The following ECE2 variants were observed in gnomAD, a reference collection of about 807,000 sequenced individuals.
The protein encoded by ECE2 is endothelin converting enzyme 2.
A neutral mutation model predicts 100.6 loss-of-function variants in ECE2; 81 were observed. That is an observed-to-expected ratio of 0.81 (90% CI 0.67 to 0.97). The LOEUF is 0.97. Among genes scored for constraint, ECE2 ranks in the 50% least tolerant of loss-of-function variants. ECE2 has a pLI of 0.00. For synonymous variants in ECE2, 391 were observed against 391.5 expected (o/e 1.00, Z 0.02); for missense variants, 911 against 988.1 (o/e 0.92, Z 1.05).
rs755706353 is a variant in ECE2, at chr3:184,292,131, C to G, written c.2191C>G (p.Arg731Gly). 6.2e-7 allele frequency: 1 copy of G among 1,614,034 alleles called. No individual in the cohort carries two copies. The highest frequency in any genetic ancestry group is 8.5e-7 in the Non-Finnish European group (1 of 1,180,024). ...GGTGACCGACCCCCACAGCCCTGCC[C>G]GCTTCCGCGTGCTGGGCACTCTCTC... Reference protein sequence around the residue: ...GLVTDPHSPARFRVLGTLSNS... With the variant: ...GLVTDPHSPAGFRVLGTLSNS... Residue 731 changes from arginine to glycine, a missense_variant, in exon 19 of 19, where the codon CGC becomes GGC. Transcript: ENST00000404464.
chr3:184,276,712 C>A (rs763614116), intron 2 of ECE2, 145 bp downstream of exon 2: 2 of 1,535,652 alleles, frequency 1.3e-6, no homozygotes, highest in Non-Finnish European at 8.8e-7. Flanking sequence ...TATGGTGAGG[C>A]GATGCTAAGC....
chr3:184,287,930 C>T lies in ECE2; in HGVS notation c.1357C>T (p.Arg453Trp), dbSNP rs545716291. 39 of 1,614,006 alleles carry T rather than the reference C, an allele frequency of 2.4e-5. No individual in the cohort carries two copies. Among genetic ancestry groups the T allele is most frequent in the African/African-American group, 9.3e-5 (7 of 75,020 alleles). ...CCTCTTCGTGAAGGCCACGTTTGAC[C>T]GGCAAAGCAAAGAAATTGTGAGTCT... The part of the protein sequence containing the change: ...GSLFVKATFD[R>W]QSKEIAEGMI... Residue 453 changes from arginine to tryptophan, a missense_variant, in exon 11 of 19, where the codon CGG (arginine) becomes TGG (tryptophan). Arg to Trp is a moderately radical substitution (Grantham distance 101). Transcript: ENST00000404464.
At chr3:184,279,724 T>A (rs1466561314) in intron 7 of ECE2, among the ~76,000 whole-genome samples, 1 of 150,738 alleles carries the variant, frequency 6.6e-6, no homozygotes, top group Non-Finnish European at 1.5e-5. Context: ...AGGGGTCCAC[T>A]GTGGTAAAAT....
Position 184,291,197 on chromosome 3 carries a change from T to G in ECE2, c.1992T>G (p.Ile664Met). The G allele has an allele frequency of 1.2e-6, 2 of 1,613,372 alleles. No individual in the cohort carries two copies. The highest frequency in any genetic ancestry group is 1.7e-6 in the Non-Finnish European group (2 of 1,179,742). ...GCCGCCAGACGCTGGGGGAGAACAT[T>G]GCTGACAACGGGGGGCTGAAGGCTG... ...LNGRQTLGEN[I>M]ADNGGLKAAY... Residue 664 changes from isoleucine (I) to methionine (M), a missense_variant, in exon 17 of 19, where the codon ATT (isoleucine) becomes ATG (methionine). Transcript: ENST00000404464. The surrounding 1 kb of genome is among the most constrained non-coding windows in gnomAD (Gnocchi z 4.1).
chr3:184,282,877 G>T (rs1475930972), intron 7 of ECE2, among the ~76,000 whole-genome samples: 2 of 152,234 alleles, frequency 1.3e-5, no homozygotes, highest in African/African-American at 4.8e-5. Context: ...ATGTATGTCT[G>T]CAGAAGTGGT....
At chr3:184,285,390 C>T in intron 9 of ECE2, 88 bp from the exon 10 acceptor site, 1 of 1,115,202 alleles carries the variant, frequency 9.0e-7, no homozygotes. Context: ...CTCGGGACTC[C>T]TGCAACTTGC....
At position 184,289,515 on chromosome 3, in the gene ECE2, C is replaced by A. The variant is rs374121789; in HGVS notation, c.1453C>A (p.Arg485Ser). 6 of 1,612,646 alleles carry A rather than the reference C, an allele frequency of 3.7e-6. No homozygotes were observed. The highest frequency in any genetic ancestry group is 5.1e-6 in the Non-Finnish European group (6 of 1,179,392). The part of the protein sequence containing the change: ...GQLVWMDEKT[R>S]QAAKEKADAI... ...GCTGGTTTGGATGGATGAGAAGACC[C>A]GCCAGGCAGCCAAGGAGAAAGTGAG... The change falls in exon 12 of 19, where the codon CGC becomes AGC. Residue 485 changes from arginine (R) to serine (S), a missense_variant. Arg to Ser is a moderately radical substitution (Grantham distance 110, BLOSUM62 -1). Transcript: ENST00000404464. This position sits in a 1 kb window ranked among gnomAD's most constrained non-coding sequence, Gnocchi z 4.1.
In ECE2 at chr3:184,292,213, C is replaced by T. The variant is rs763126012; in HGVS notation, c.2273C>T (p.Pro758Leu). ...FGCPVGSPMN[P>L]GQLCEVW ...TGCCCTGTCGGCTCCCCCATGAACC[C>T]AGGGCAGCTGTGTGAGGTGTGGTAG... The change falls in exon 19 of 19, where the codon CCA becomes CTA. Residue 758 changes from proline to leucine, a missense_variant. Pro to Leu is a moderately conservative substitution (Grantham distance 98). Coordinates refer to ENST00000404464, the MANE Select transcript of ECE2 (RefSeq NM_001100121.2). The T allele has an allele frequency of 5.6e-6, 9 of 1,614,016 alleles. No individual in the cohort carries two copies. The African/African-American group carries it at 9.3e-5, about 17-fold the overall frequency.
rs1353601938 is a variant in ECE2 at position 184,279,335 on chromosome 3, AAAAG to A, written c.816+785_816+788del. ...AAAAAAAAAAAAAAAAAAAGAAAGA[AAAAG>A]AAAGAAGGAACAGTTTAAACAAAAG... On this transcript the variant is annotated intron_variant, in intron 7 of 18. Coordinates refer to ENST00000404464, the MANE Select transcript of ECE2 (RefSeq NM_001100121.2). 3.3e-5 allele frequency among the ~76,000 whole-genome samples: 5 copies of A among 150,324 alleles called. No individual in the cohort carries two copies. The East Asian group carries it at 5.9e-4, about 18-fold the overall frequency.
rs1274845294 is a variant in ECE2 at position 184,278,374 on chromosome 3, C to A, written c.750+61C>A. 5 of 1,594,998 alleles carry A rather than the reference C, an allele frequency of 3.1e-6. No individual in the cohort carries two copies. In the African/African-American group the frequency reaches 5.4e-5, roughly 17 times the overall value. ...GACACTTTGCTGAGCCCAGACTTCCCTCTCCTGTGACAGGCAGGCTGGGCT... is the reference window on the plus strand; with the variant it reads ...GACACTTTGCTGAGCCCAGACTTCCATCTCCTGTGACAGGCAGGCTGGGCT... On this transcript the variant is annotated intron_variant, in intron 6 of 18. Coordinates refer to ENST00000404464, the MANE Select transcript of ECE2 (RefSeq NM_001100121.2).
At chr3:184,283,684 A>T (rs903351564) in intron 7 of ECE2, 101 bp from the exon 8 acceptor site, 4 of 1,258,102 alleles carry the variant, frequency 3.2e-6, no homozygotes, top group Non-Finnish European at 4.4e-6. Flanking sequence ...TTCCAGAAGG[A>T]TCAAGCAGAA....
chr3:184,285,536 C>G lies in ECE2; in HGVS notation c.1207C>G (p.Arg403Gly). The G allele has an allele frequency of 6.2e-7, 1 of 1,614,138 alleles. No homozygotes were observed. Among genetic ancestry groups the G allele is most frequent in the African/African-American group, 1.3e-5 (1 of 75,014 alleles). The change falls in exon 10 of 19, where the codon CGA (arginine) becomes GGA (glycine). Residue 403 changes from arginine to glycine, a missense_variant. Arg to Gly is a moderately radical substitution (Grantham distance 125). Coordinates refer to ENST00000404464, the MANE Select transcript of ECE2 (RefSeq NM_001100121.2). ...GCAAAAGACAACCTCAAGCCTGGACCGACGCTTTGAGTCTGCACAAGAGAA... is the reference window on the plus strand; with the variant it reads ...GCAAAAGACAACCTCAAGCCTGGACGGACGCTTTGAGTCTGCACAAGAGAA... ...LVQKTTSSLD[R>G]RFESAQEKLL...
At position 184,282,983 on chromosome 3, in the gene ECE2, T is replaced by C. The variant is rs1020407060; in HGVS notation, c.817-802T>C. Among the ~76,000 whole-genome samples, 6 of 152,102 alleles carry C rather than the reference T, an allele frequency of 3.9e-5. 1 individual carries two copies. The highest frequency in any genetic ancestry group is 1.4e-4 in the African/African-American group (6 of 41,410). ...TGAGGCCTGGCAGGATGGGAGGTAA[T>C]AGAGGCCTGAGGACACCATGGCCCC... On this transcript the variant is annotated intron_variant, in intron 7 of 18. Transcript: ENST00000404464.
At position 184,291,716 on chromosome 3, in the gene ECE2, G is replaced by A. The variant is rs56014868; in HGVS notation, c.2121+277G>A. 629 of 314,754 alleles carry A rather than the reference G, an allele frequency of 2.0e-3. 6 individuals are homozygous for A. Among genetic ancestry groups the A allele is most frequent in the Middle Eastern group, 9.1e-3 (12 of 1,312 alleles). The allele number at this position is 314,754 out of a possible 1,614,324, so 19.5% of individuals were successfully genotyped here. ...TGCTTGCGGGGCACAGGGTGGCGAA[G>A]GGGGCAAACGTTCATCCTCACGCTG... On this transcript the variant is annotated intron_variant, in intron 18 of 18. Transcript: ENST00000404464. The surrounding 1 kb of genome is among the most constrained non-coding windows in gnomAD (Gnocchi z 4.1).
chr3:184,292,272 C>G lies in ECE2; in HGVS notation c.*34C>G. 6.2e-7 allele frequency: 1 copy of G among 1,609,734 alleles called. No homozygotes were observed. Among genetic ancestry groups the G allele is most frequent in the Non-Finnish European group, 8.5e-7 (1 of 1,176,726 alleles). On this transcript the variant is annotated 3_prime_UTR_variant, in exon 19 of 19. Coordinates refer to ENST00000404464, the MANE Select transcript of ECE2 (RefSeq NM_001100121.2). Reference sequence around the variant, plus strand: ...CAGGGGAGAAATGGCCAGCTGTCACCAGACCTGGGGCAGCTCTCCTGACAA... The same window carrying G: ...CAGGGGAGAAATGGCCAGCTGTCACGAGACCTGGGGCAGCTCTCCTGACAA...
chr3:184,276,932 G>C lies in ECE2; in HGVS notation c.167G>C (p.Arg56Pro), dbSNP rs371866621. The C allele has an allele frequency of 4.3e-6, 7 of 1,614,152 alleles. No homozygotes were observed. The Admixed American group carries it at 8.3e-5, about 19-fold the overall frequency. ...QKGTRQLLGS[R>P]TQLELVLAGA... ...GGGACAAGACAGCTGTTAGGCTCAC[G>C]CACGCAGCTGGAGCTGGTCTTAGCA... Residue 56 changes from arginine to proline, a missense_variant, in exon 3 of 19, where the codon CGC (arginine) becomes CCC (proline). Arg to Pro is a moderately radical substitution (Grantham distance 103, BLOSUM62 -2). Transcript: ENST00000404464.
At chr3:184,276,284 T>C in intron 1 of ECE2, 92 bp downstream of exon 1, 1 of 1,415,346 alleles carries the variant, frequency 7.1e-7, no homozygotes, top group Non-Finnish European at 9.3e-7. Flanking sequence ...GGTGCCCGGC[T>C]CGCGGAGGTA....
chr3:184,283,982 G>C lies in ECE2; in HGVS notation c.1005+9G>C. On this transcript the variant is annotated intron_variant, in intron 8 of 18. Transcript: ENST00000404464. The stretch of plus-strand genomic sequence containing the variant: ...GCATTTCGGAGCTGCAGGTGGGGCA[G>C]GCAGGGGGCTGGAGACAACTGAGAG... 1 of 1,613,330 alleles carries C rather than the reference G, an allele frequency of 6.2e-7. No individual in the cohort carries two copies. The highest frequency in any genetic ancestry group is 1.1e-5 in the South Asian group (1 of 91,022).
rs1347758150 is a variant in ECE2 at position 184,285,729 on chromosome 3, G to A, written c.1263+137G>A. ...GCAGAATTTGGAAGCAAGCCGACTTGCGTTTCAATCCCAACTCATTCATTT... is the reference window on the plus strand; with the variant it reads ...GCAGAATTTGGAAGCAAGCCGACTTACGTTTCAATCCCAACTCATTCATTT... On this transcript the variant is annotated intron_variant, in intron 10 of 18. Transcript: ENST00000404464. 4.6e-6 allele frequency: 3 copies of A among 658,498 alleles called. No homozygotes were observed. The African/African-American group carries it at 5.4e-5, about 12-fold the overall frequency. 40.8% of individuals were successfully genotyped at this position (658,498 alleles called of 1,614,324 possible).
Sources: gnomAD v4.1 joint callset for allele counts (sites outside exome capture counted in the v4.1 genomes callset) on GRCh38, gnomAD v4.1.1 for gene constraint, Gnocchi (gnomAD v3.1) non-coding constraint, MANE v1.5 for transcripts, NCBI Gene and HGNC (gene_info 2026-07-23, HGNC 2026-07-21) for gene names.